The following CTNNA2 variants were observed in gnomAD, a reference collection of about 807,000 sequenced individuals.
The protein encoded by CTNNA2 is catenin alpha-2.
A neutral mutation model predicts 101.0 loss-of-function variants in CTNNA2; 42 were observed. The ratio of observed to expected loss-of-function variants is 0.42; its 90% CI spans 0.32 to 0.54. CTNNA2 has a LOEUF of 0.54. Among genes scored for constraint, CTNNA2 ranks in the 20% least tolerant of loss-of-function variants. The pLI is 0.14. For synonymous variants in CTNNA2, 450 were observed against 456.4 expected (o/e 0.99, Z 0.18); for missense variants, 871 against 1,223.1 (o/e 0.71, Z 4.29).
In CTNNA2 at chr2:79,514,910, A is replaced by G. The variant is rs149581841; in HGVS notation, c.-6+1703A>G. 2.6e-4 allele frequency among the ~76,000 whole-genome samples: 40 copies of G among 152,302 alleles called. No individual in the cohort carries two copies. The East Asian group carries it at 7.7e-3, about 29-fold the overall frequency. ...TATTGATTTTTTTCTTTTCATTTAA[A>G]TTATTATATGACAGTAGTGCAATAT... On this transcript the variant is annotated intron_variant, in intron 1 of 18. Transcript: ENST00000402739.
chr2:79,589,215 A>C (rs1676688494), intron 1 of CTNNA2, among the ~76,000 whole-genome samples: 1 of 152,198 alleles, frequency 6.6e-6, no homozygotes, highest in South Asian at 2.1e-4. Context: ...TGCCACCAGC[A>C]GGCCAAGGCA....
At chr2:79,343,366 A>G (rs1677182510) in intron 3 of CTNNA2, among the ~76,000 whole-genome samples, 1 of 152,190 alleles carries the variant, frequency 6.6e-6, no homozygotes, top group African/African-American at 2.4e-5. Flanking sequence ...GTTTCATTTC[A>G]GGTGTAAAAA....
intron 7 of CTNNA2, among the ~76,000 whole-genome samples, chr2:80,286,375 G>A (rs971188789): frequency 2.0e-5 from 3 of 152,076 alleles, no homozygotes; most frequent in Admixed American, 6.5e-5. Flanking sequence ...TTCTTTGTAT[G>A]ATGAGTGTAG....
intron 7 of CTNNA2, among the ~76,000 whole-genome samples, chr2:80,054,480 T>C (rs1431304866): frequency 6.6e-6 from 1 of 152,164 alleles, no homozygotes; most frequent in Admixed American, 6.5e-5. Flanking sequence ...CCTTTGGCAT[T>C]ATTTCTTGGC....
At chr2:80,515,260 A>G (rs925746356) in intron 9 of CTNNA2, among the ~76,000 whole-genome samples, 2 of 151,688 alleles carry the variant, frequency 1.3e-5, no homozygotes, top group Non-Finnish European at 2.9e-5. Context: ...ACCCACCATC[A>G]CCAAGAGAAT....
chr2:79,447,128 G>A (rs573493296), intron 4 of CTNNA2, among the ~76,000 whole-genome samples: 1 of 151,928 alleles, frequency 6.6e-6, no homozygotes, highest in East Asian at 1.9e-4. Flanking sequence ...TAGGAGCCCC[G>A]GGTGTGTGTC....
At chr2:79,193,351 A>G (rs2104164652) in intron 1 of CTNNA2, among the ~76,000 whole-genome samples, 1 of 152,206 alleles carries the variant, frequency 6.6e-6, no homozygotes, top group African/African-American at 2.4e-5. Flanking sequence ...TTTTTACTGT[A>G]CCTTTTCTAT....
At chr2:79,770,380 A>C (rs1424657132) in intron 3 of CTNNA2, among the ~76,000 whole-genome samples, 1 of 152,244 alleles carries the variant, frequency 6.6e-6, no homozygotes, top group Non-Finnish European at 1.5e-5. Context: ...CAACACCAAA[A>C]TCACTGGAAG....
intron 9 of CTNNA2, among the ~76,000 whole-genome samples, chr2:80,419,839 T>C (rs984753846): frequency 2.8e-4 from 42 of 151,994 alleles, no homozygotes; most frequent in African/African-American, 1.0e-3. Context: ...TCTGCCATTT[T>C]TCCTGAACAA....
intron 7 of CTNNA2, among the ~76,000 whole-genome samples, chr2:80,312,385 A>T (rs913019129): frequency 2.0e-5 from 3 of 152,206 alleles, no homozygotes; most frequent in African/African-American, 7.2e-5. Context: ...AACGGTTAGA[A>T]ACAGGTAACT....
At chr2:80,645,262 G>GTATT (rs1205198035) in intron 18 of CTNNA2, among the ~76,000 whole-genome samples, 1 of 152,106 alleles carries the variant, frequency 6.6e-6, no homozygotes, top group Non-Finnish European at 1.5e-5. Context: ...AAGGTGTTAG[G>GTATT]TATTTAGCTT....
intron 4 of CTNNA2, among the ~76,000 whole-genome samples, chr2:79,485,377 C>T (rs900558261): frequency 3.3e-5 from 5 of 152,152 alleles, no homozygotes; most frequent in Admixed American, 6.5e-5. Context: ...AGTGTTGCTA[C>T]TCATGCTTAA....
chr2:79,237,973 C>T (rs1674578515), intron 2 of CTNNA2, among the ~76,000 whole-genome samples: 1 of 152,140 alleles, frequency 6.6e-6, no homozygotes, highest in Admixed American at 6.5e-5. Context: ...ACTGGAGTAG[C>T]ACATTTAATT....
intron 1 of CTNNA2, among the ~76,000 whole-genome samples, chr2:79,592,500 T>C (rs1195642263): frequency 2.0e-5 from 3 of 152,144 alleles, no homozygotes; most frequent in African/African-American, 7.2e-5. Flanking sequence ...TCATTTTTTA[T>C]AGTGAAATTT....
At chr2:80,131,761 T>C (rs1702428361) in intron 7 of CTNNA2, among the ~76,000 whole-genome samples, 1 of 152,156 alleles carries the variant, frequency 6.6e-6, no homozygotes, top group Non-Finnish European at 1.5e-5. Context: ...AGAGCAGTCC[T>C]TCTAACAGGT....
chr2:80,412,663 C>G (rs1679689089), intron 8 of CTNNA2, among the ~76,000 whole-genome samples: 1 of 152,112 alleles, frequency 6.6e-6, no homozygotes, highest in Non-Finnish European at 1.5e-5. Flanking sequence ...CAGGGGCATA[C>G]AGCAATAGCA....
chr2:80,539,953 G>C (rs1257723957), intron 9 of CTNNA2, among the ~76,000 whole-genome samples: 3 of 152,200 alleles, frequency 2.0e-5, no homozygotes, highest in Non-Finnish European at 2.9e-5. Flanking sequence ...GAGTGGAGAA[G>C]GCAGAGGCGG....
intron 7 of CTNNA2, among the ~76,000 whole-genome samples, chr2:79,951,324 C>T (rs1360942280): frequency 6.6e-6 from 1 of 152,128 alleles, no homozygotes; most frequent in African/African-American, 2.4e-5. Context: ...AATGTACAGC[C>T]AGGGTTAGTA....
At chr2:80,137,233 GT>G (rs1018407309) in intron 7 of CTNNA2, among the ~76,000 whole-genome samples, 3 of 152,118 alleles carry the variant, frequency 2.0e-5, no homozygotes, top group Admixed American at 2.0e-4. Flanking sequence ...GTAAAGGAGG[GT>G]TTATTTCACT....
Sources: allele counts gnomAD v4.1 joint callset (sites outside exome capture counted in the v4.1 genomes callset), GRCh38; gene constraint gnomAD v4.1.1; transcripts MANE v1.5; gene names NCBI Gene and HGNC (gene_info 2026-07-23, HGNC 2026-07-21).